Variants in MCM6 observed in about 807,000 individuals in gnomAD.
The protein encoded by MCM6 is minichromosome maintenance complex component 6.
A neutral mutation model predicts 94.3 loss-of-function variants in MCM6; 46 were observed. That is an observed-to-expected ratio of 0.49 (90% CI 0.39 to 0.62). The LOEUF (loss-of-function observed/expected upper bound fraction) is 0.62, where lower values mean the gene tolerates loss of function less well. Ranked by LOEUF, MCM6 falls within the 20% of genes least tolerant of loss-of-function variation. The pLI is 0.00. For missense variants in MCM6, 865 were observed against 1,017.9 expected (o/e 0.85, Z 2.04); for synonymous variants, 335 against 351.9 (o/e 0.95, Z 0.54).
At chr2:135,855,412 T>A (rs1490282625) in intron 11 of MCM6, among the ~76,000 whole-genome samples, 1 of 152,096 alleles carries the variant, frequency 6.6e-6, no homozygotes, top group African/African-American at 2.4e-5. Context: ...AGGCCTACAA[T>A]CTTAGCTATT....
chr2:135,868,300 T>C, intron 4 of MCM6, among the ~76,000 whole-genome samples: 1 of 152,242 alleles, frequency 6.6e-6, no homozygotes, highest in East Asian at 1.9e-4. Flanking sequence ...ACTAACAAGT[T>C]GCTATTTCTT....
chr2:135,842,399 G>A (rs1055329434), intron 16 of MCM6, among the ~76,000 whole-genome samples: 1 of 152,140 alleles, frequency 6.6e-6, no homozygotes, highest in Non-Finnish European at 1.5e-5. Flanking sequence ...TATTTATATA[G>A]TGAGCCCTGT....
At position 135,848,174 on chromosome 2, in the gene MCM6, A is replaced by T; in HGVS notation, c.1932T>A (p.His644Gln). ...TCAGTAACCGGAAAGCTTCCTTCACATGTTTAGGTTGGACCTAAACCAATA... is the reference window on the plus strand; with the variant it reads ...TCAGTAACCGGAAAGCTTCCTTCACTTGTTTAGGTTGGACCTAAACCAATA... ...MHCCDEVQPK[H>Q]VKEAFRLLNK... The change falls in exon 14 of 17, where the codon CAT becomes CAA. Residue 644 changes from histidine (H) to glutamine (Q), a missense_variant. His to Gln is a conservative substitution (Grantham distance 24). Coordinates refer to ENST00000264156, the MANE Select transcript of MCM6 (RefSeq NM_005915.6). The T allele has an allele frequency of 6.2e-7, 1 of 1,611,862 alleles. No homozygotes were observed. The highest frequency in any genetic ancestry group is 8.5e-7 in the Non-Finnish European group (1 of 1,178,106).
At chr2:135,868,894 T>C (rs1266551409) in intron 3 of MCM6, 34 bp from the exon 4 acceptor site, 1 of 1,595,532 alleles carries the variant, frequency 6.3e-7, no homozygotes, top group East Asian at 2.2e-5. Flanking sequence ...TAGTAAACAT[T>C]CATCTCTTAA....
rs1190171229 is a variant in MCM6 at position 135,866,261 on chromosome 2, A to C, written c.798T>G (p.Thr266=). The C allele has an allele frequency of 1.5e-5, 25 of 1,614,098 alleles. No homozygotes were observed. The highest frequency in any genetic ancestry group is 2.1e-5 in the Non-Finnish European group (25 of 1,180,022). The part of the protein sequence containing the change: ...KLSTPGARAE[T]NSRVSGVDGY... ...CATCAACACCACTGACACGGGAATTAGTTTCTGCACGTGCTCCTGAAACAG... is the reference window on the plus strand; with the variant it reads ...CATCAACACCACTGACACGGGAATTCGTTTCTGCACGTGCTCCTGAAACAG... Residue 266 remains threonine (T), a synonymous_variant, in exon 6 of 17, where the codon ACT becomes ACG. Coordinates refer to ENST00000264156, the MANE Select transcript of MCM6 (RefSeq NM_005915.6).
rs370924186 is a variant in MCM6 at position 135,866,537 on chromosome 2, T to C, written c.781+26A>G. On this transcript the variant is annotated intron_variant, in intron 5 of 16. Transcript: ENST00000264156. ...TGCAGTTTAGGTAACTGAGAATTTGTTAAATTTGAGCCACAGATTACTGAC... is the reference window on the plus strand; with the variant it reads ...TGCAGTTTAGGTAACTGAGAATTTGCTAAATTTGAGCCACAGATTACTGAC... 77 of 1,590,670 alleles carry C rather than the reference T, an allele frequency of 4.8e-5. No individual in the cohort carries two copies. In the African/African-American group the frequency reaches 9.2e-4, roughly 19 times the overall value.
At chr2:135,857,335 G>A (rs4988212) in intron 10 of MCM6, among the ~76,000 whole-genome samples, 2,249 of 152,280 alleles carry the variant, frequency 0.015, 54 homozygotes, top group African/African-American at 0.051. Context: ...TTATGCTTAT[G>A]TACAAAATAT....
intron 11 of MCM6, among the ~76,000 whole-genome samples, chr2:135,853,769 C>T (rs1054335161): frequency 4.0e-5 from 6 of 150,726 alleles, no homozygotes; most frequent in Non-Finnish European, 8.8e-5. Context: ...GCAACTTGCT[C>T]TCAAATGGTT....
rs367952715 is a variant in MCM6 at position 135,851,589 on chromosome 2, G to A, written c.1756-26C>T. On this transcript the variant is annotated intron_variant, in intron 12 of 16. Transcript: ENST00000264156. ...CTGTTTCAGATCATCACTCAAGTTA[G>A]AGAAACATTTCTATTTGATGAGAGC... 2.6e-6 allele frequency: 4 copies of A among 1,560,056 alleles called. No individual in the cohort carries two copies. The African/African-American group carries it at 5.4e-5, about 21-fold the overall frequency.
At chr2:135,849,216 T>C (rs757189164) in intron 13 of MCM6, among the ~76,000 whole-genome samples, 2 of 152,166 alleles carry the variant, frequency 1.3e-5, no homozygotes, top group Non-Finnish European at 2.9e-5. Context: ...GTATGTGTCA[T>C]TTCTGGATAG....
chr2:135,852,879 A>C lies in MCM6; in HGVS notation c.1663T>G (p.Leu555Val), dbSNP rs745532746. 2 of 1,611,284 alleles carry C rather than the reference A, an allele frequency of 1.2e-6. No individual in the cohort carries two copies. The highest frequency in any genetic ancestry group is 1.7e-6 in the Non-Finnish European group (2 of 1,178,880). Residue 555 changes from leucine (L) to valine (V), a missense_variant, in exon 12 of 17, where the codon TTG becomes GTG. By Grantham distance (32) the Leu-to-Val change is conservative (BLOSUM62 1). Coordinates refer to ENST00000264156, the MANE Select transcript of MCM6 (RefSeq NM_005915.6). Reference protein sequence around the residue: ...DYAIARRIVDLHSRIEESIDR... With the variant: ...DYAIARRIVDVHSRIEESIDR... ...ATTGATTCCTCAATTCTTGAATGCAAATCTACTATGCGCCTGGCAATGGCA... is the reference window on the plus strand; with the variant it reads ...ATTGATTCCTCAATTCTTGAATGCACATCTACTATGCGCCTGGCAATGGCA...
chr2:135,872,174 G>A (rs566989761), intron 2 of MCM6, among the ~76,000 whole-genome samples: 6 of 152,302 alleles, frequency 3.9e-5, no homozygotes, highest in South Asian at 2.1e-4. Context: ...GGCCGGGCAC[G>A]GTGGCTCACG....
chr2:135,865,643 T>G (rs1412207530), intron 6 of MCM6, among the ~76,000 whole-genome samples: 2 of 152,124 alleles, frequency 1.3e-5, no homozygotes, highest in Non-Finnish European at 2.9e-5. Context: ...CTATGAAACT[T>G]TAAAACAAAA....
chr2:135,869,756 C>G (rs1446841531), intron 3 of MCM6, among the ~76,000 whole-genome samples: 1 of 152,080 alleles, frequency 6.6e-6, no homozygotes, highest in Admixed American at 6.6e-5. Flanking sequence ...CTCCCTTGAT[C>G]AATTTTCTCC....
At chr2:135,850,102 G>GA (rs906032084) in intron 13 of MCM6, among the ~76,000 whole-genome samples, 8 of 150,988 alleles carry the variant, frequency 5.3e-5, no homozygotes, top group Admixed American at 1.3e-4. Flanking sequence ...CTATCACAAT[G>GA]AAAAAAAAAG....
At chr2:135,876,180 C>A in intron 1 of MCM6, 79 bp downstream of exon 1, 1 of 1,158,330 alleles carries the variant, frequency 8.6e-7, no homozygotes, top group Non-Finnish European at 1.2e-6. Context: ...CCGGAACACC[C>A]GCCGCCCACA....
At chr2:135,867,362 G>GT (rs1365548559) in intron 4 of MCM6, among the ~76,000 whole-genome samples, 3 of 151,874 alleles carry the variant, frequency 2.0e-5, no homozygotes, top group Non-Finnish European at 2.9e-5. Flanking sequence ...CCTTTATACA[G>GT]TTGTGTTCCC....
At position 135,840,177 on chromosome 2, in the gene MCM6, T is replaced by C. The variant is rs1679542307; in HGVS notation, c.*658A>G. Reference sequence around the variant, plus strand: ...CCTTAGGACACAGAAGTAAAATAAATTACTAAAGAGTAATTTTAAAAAAGT... The same window carrying C: ...CCTTAGGACACAGAAGTAAAATAAACTACTAAAGAGTAATTTTAAAAAAGT... On this transcript the variant is annotated 3_prime_UTR_variant, in exon 17 of 17. Coordinates refer to ENST00000264156, the MANE Select transcript of MCM6 (RefSeq NM_005915.6). 6.6e-6 allele frequency: 1 copy of C among 150,414 alleles called. No homozygotes were observed. The highest frequency in any genetic ancestry group is 1.5e-5 in the Non-Finnish European group (1 of 67,768). 9.3% of individuals were successfully genotyped at this position (150,414 alleles called of 1,614,324 possible).
At chr2:135,858,262 G>T (rs1055497199) in intron 9 of MCM6, among the ~76,000 whole-genome samples, 4 of 152,166 alleles carry the variant, frequency 2.6e-5, no homozygotes, top group Non-Finnish European at 4.4e-5. Context: ...GCTGAGGTGG[G>T]CTGATCATGA....
Sources: gnomAD v4.1 joint callset for allele counts (sites outside exome capture counted in the v4.1 genomes callset) on GRCh38, gnomAD v4.1.1 for gene constraint, MANE v1.5 for transcripts, NCBI Gene and HGNC (gene_info 2026-07-23, HGNC 2026-07-21) for gene names.